KIAA0408: variants seen among roughly 807,000 people sequenced by gnomAD.
KIAA0408 encodes the protein KIAA0408, also known as uncharacterized protein KIAA0408.
A neutral mutation model predicts 60.9 loss-of-function variants in KIAA0408; 51 were observed. That is an observed-to-expected ratio of 0.84 (90% CI 0.67 to 1.06). The LOEUF (loss-of-function observed/expected upper bound fraction) is 1.06. Ranked by LOEUF, KIAA0408 falls within the 50% of genes least tolerant of loss-of-function variation. The pLI is 0.00. For missense variants in KIAA0408, 787 were observed against 833.9 expected (o/e 0.94, Z 0.69); for synonymous variants, 304 against 282.4 (o/e 1.08, Z -0.77).
In KIAA0408 at chr6:127,446,457, C is replaced by A. The variant is rs745704294; in HGVS notation, c.1862G>T (p.Trp621Leu). Residue 621 changes from tryptophan (W) to leucine (L), a missense_variant, in exon 5 of 6, where the codon TGG (tryptophan) becomes TTG (leucine). Coordinates refer to ENST00000483725, the MANE Select transcript of KIAA0408 (RefSeq NM_014702.5). ...TCCTTGCTTCACTTCCTGTCCCCCCCACACAGCTGTCTTTTGCTGAAACTG... is the reference window on the plus strand; with the variant it reads ...TCCTTGCTTCACTTCCTGTCCCCCCAACACAGCTGTCTTTTGCTGAAACTG... ...EQQFQQKTAV[W>L]GGQEVKQGID... The A allele has an allele frequency of 3.1e-6, 5 of 1,613,746 alleles. No homozygotes were observed. The highest frequency in any genetic ancestry group is 1.1e-5 in the South Asian group (1 of 91,074).
chr6:127,449,722 T>C, intron 4 of KIAA0408, 100 bp downstream of exon 4: 2 of 1,453,508 alleles, frequency 1.4e-6, no homozygotes, highest in Non-Finnish European at 1.9e-6. Context: ...TAATAACTCA[T>C]TAGTTCTTAC....
In KIAA0408 at chr6:127,447,501, G is replaced by T; in HGVS notation, c.818C>A (p.Thr273Asn). ...ATCCGAGCTGGGAAAATTTCGAGAG[G>T]TGCTTCTTGGAGGAGGAACTGGTGG... Reference protein sequence around the residue: ...ETPPVPPPRSTSRNFPSSDSE... With the variant: ...ETPPVPPPRSNSRNFPSSDSE... Residue 273 changes from threonine (T) to asparagine (N), a missense_variant, in exon 5 of 6, where the codon ACC becomes AAC. By Grantham distance (65) the Thr-to-Asn change is moderately conservative (BLOSUM62 0). Around this residue, in one of 3 missense-constraint regions of KIAA0408, gnomAD observed 640 missense variants for 681.3 expected, o/e 0.94. Coordinates refer to ENST00000483725, the MANE Select transcript of KIAA0408 (RefSeq NM_014702.5). 6.2e-7 allele frequency: 1 copy of T among 1,612,482 alleles called. No homozygotes were observed. The highest frequency in any genetic ancestry group is 8.5e-7 in the Non-Finnish European group (1 of 1,179,600).
Position 127,446,726 on chromosome 6 carries a change from G to A in KIAA0408, c.1593C>T (p.Arg531=). 1 of 1,613,920 alleles carries A rather than the reference G, an allele frequency of 6.2e-7. No individual in the cohort carries two copies. Among genetic ancestry groups the A allele is most frequent in the East Asian group, 2.2e-5 (1 of 44,872 alleles). The change falls in exon 5 of 6, where the codon CGC becomes CGT. Residue 531 remains arginine, a synonymous_variant. Transcript: ENST00000483725. ...VRQMQGHLSP[R]SYRNMLHEHD... ...GCTCGTGGAGCATATTTCGATAACT[G>A]CGAGGACTTAGGTGTCCCTGCATTT... is the stretch of plus-strand genomic sequence containing the variant.
At position 127,442,489 on chromosome 6, in the gene KIAA0408, T is replaced by C. The variant is rs1035062794; in HGVS notation, c.*1620A>G. On this transcript the variant is annotated 3_prime_UTR_variant, in exon 6 of 6. Coordinates refer to ENST00000483725, the MANE Select transcript of KIAA0408 (RefSeq NM_014702.5). ...CTGAAGGAAATAAGAATTAAAAGAG[T>C]AGATGTATAGACCTTAGTTACCATC... is the stretch of plus-strand genomic sequence containing the variant. 6.6e-6 allele frequency: 1 copy of C among 152,114 alleles called. No homozygotes were observed. Among genetic ancestry groups the C allele is most frequent in the African/African-American group, 2.4e-5 (1 of 41,408 alleles). The allele number at this position is 152,114 out of a possible 1,614,324, so 9.4% of individuals were successfully genotyped here.
rs1240335212 is a variant in KIAA0408, at chr6:127,446,273, C to T, written c.1911+135G>A. 3.5e-6 allele frequency: 5 copies of T among 1,431,372 alleles called. No individual in the cohort carries two copies. In the East Asian group the frequency reaches 1.1e-4, roughly 33 times the overall value. 88.7% of individuals were successfully genotyped at this position (1,431,372 alleles called of 1,614,324 possible). A position where few individuals can be genotyped will look rare whatever the true frequency, so the allele number is the denominator to read the frequency against. On this transcript the variant is annotated intron_variant, in intron 5 of 5. Coordinates refer to ENST00000483725, the MANE Select transcript of KIAA0408 (RefSeq NM_014702.5). Reference sequence around the variant, plus strand: ...GTTCATGTTGAGTTATATTTATTTACAAACAGGGTCAAGAGGCTAAGAAGA... The same window carrying T: ...GTTCATGTTGAGTTATATTTATTTATAAACAGGGTCAAGAGGCTAAGAAGA...
In KIAA0408 at chr6:127,440,434, C is replaced by T. The variant is rs1329157909; in HGVS notation, c.*3675G>A. On this transcript the variant is annotated 3_prime_UTR_variant, in exon 6 of 6. Coordinates refer to ENST00000483725, the MANE Select transcript of KIAA0408 (RefSeq NM_014702.5). The stretch of plus-strand genomic sequence containing the variant: ...CTGCCTCCCGGGTTCATGCCATTCT[C>T]CTGCCTCAGCCTCCCGAGCAGCTGG... The T allele has an allele frequency of 1.3e-5, 2 of 150,768 alleles. No homozygotes were observed. Among genetic ancestry groups the T allele is most frequent in the African/African-American group, 2.4e-5 (1 of 40,854 alleles). The allele number at this position is 150,768 out of a possible 1,614,324, so 9.3% of individuals were successfully genotyped here.
chr6:127,445,158 C>T (rs547701414), intron 5 of KIAA0408, among the ~76,000 whole-genome samples: 4 of 152,182 alleles, frequency 2.6e-5, no homozygotes, highest in African/African-American at 9.6e-5. Context: ...TTTTTGGAGA[C>T]TTATTTTCTA....
chr6:127,444,158 G>A lies in KIAA0408; in HGVS notation c.2036C>T (p.Thr679Ile), dbSNP rs755809960. ...CAGAGAAATGGTATAGTTGTGGGTA[G>A]TTCTCCGCAAGGCAGGGGGTGCAGA... ...SPSAPPALRR[T>I]THNYTISLRS... Residue 679 changes from threonine (T) to isoleucine (I), a missense_variant, in exon 6 of 6, where the codon ACT becomes ATT. Thr to Ile is a moderately conservative substitution (Grantham distance 89, BLOSUM62 -1). Around this residue, in one of 3 missense-constraint regions of KIAA0408, gnomAD observed 133 missense variants for 119.2 expected, o/e 1.12. Transcript: ENST00000483725. The A allele has an allele frequency of 1.2e-6, 2 of 1,613,990 alleles. No homozygotes were observed. The highest frequency in any genetic ancestry group is 3.3e-5 in the Admixed American group (2 of 59,992).
chr6:127,448,384 C>A (rs571564990), intron 4 of KIAA0408, among the ~76,000 whole-genome samples: 24 of 152,152 alleles, frequency 1.6e-4, no homozygotes, highest in African/African-American at 5.3e-4. Flanking sequence ...AATTATAAAG[C>A]AGAGTGGGGA....
chr6:127,455,817 C>T (rs1773382521), intron 1 of KIAA0408, among the ~76,000 whole-genome samples: 1 of 152,104 alleles, frequency 6.6e-6, no homozygotes, highest in African/African-American at 2.4e-5. Flanking sequence ...TCACCCCTTT[C>T]TTTGCTATCT....
chr6:127,447,551 T>G lies in KIAA0408; in HGVS notation c.768A>C (p.Thr256=), dbSNP rs1773223770. ...GAGTTTCATTTCTTTTTAAATCGATTGTATCAATTCCACATTTTTTCGTAG... is the reference window on the plus strand; with the variant it reads ...GAGTTTCATTTCTTTTTAAATCGATGGTATCAATTCCACATTTTTTCGTAG... ...SNSTKKCGID[T]IDLKRNETPP... Residue 256 remains threonine (T), a synonymous_variant, in exon 5 of 6, where the codon ACA becomes ACC. Coordinates refer to ENST00000483725, the MANE Select transcript of KIAA0408 (RefSeq NM_014702.5). The G allele has an allele frequency of 6.2e-7, 1 of 1,611,148 alleles. No homozygotes were observed. The highest frequency in any genetic ancestry group is 8.5e-7 in the Non-Finnish European group (1 of 1,179,252).
At chr6:127,455,717 T>G (rs1215893510) in intron 1 of KIAA0408, among the ~76,000 whole-genome samples, 1 of 152,160 alleles carries the variant, frequency 6.6e-6, no homozygotes, top group Non-Finnish European at 1.5e-5. Context: ...AAATACATAA[T>G]TTCATATCTG....
At chr6:127,449,712 T>G (rs1773265757) in intron 4 of KIAA0408, 110 bp downstream of exon 4, 5 of 1,408,090 alleles carry the variant, frequency 3.6e-6, no homozygotes, top group Non-Finnish European at 4.8e-6. Flanking sequence ...TAGTACATTT[T>G]AATAACTCAT....
At position 127,447,346 on chromosome 6, in the gene KIAA0408, G is replaced by A; in HGVS notation, c.973C>T (p.Pro325Ser). The change falls in exon 5 of 6, where the codon CCA becomes TCA. Residue 325 changes from proline to serine, a missense_variant. Pro to Ser is a moderately conservative substitution (Grantham distance 74). Coordinates refer to ENST00000483725, the MANE Select transcript of KIAA0408 (RefSeq NM_014702.5). ...LRQQEMSMLY[P>S]NEGKTSKDGI... ...TCTTTCGAAGTTTTCCCTTCATTTG[G>A]ATACAACATAGACATCTCTTGTTGT... The A allele has an allele frequency of 1.2e-6, 2 of 1,613,044 alleles. No homozygotes were observed. Among genetic ancestry groups the A allele is most frequent in the Non-Finnish European group, 1.7e-6 (2 of 1,179,662 alleles).
intron 5 of KIAA0408, 21 bp from the exon 6 acceptor site, chr6:127,444,303 T>C (rs1392404680): frequency 6.5e-7 from 1 of 1,544,192 alleles, no homozygotes; most frequent in African/African-American, 1.4e-5. Flanking sequence ...AGTAAAAACA[T>C]TCCTCTCACT....
rs1447820363 is a variant in KIAA0408 at position 127,459,225 on chromosome 6, CAGTGGAAGAA to C, written c.-181_-172del. ...GGATGCTCGACCACTGGTCAATTAG[CAGTGGAAGAA>C]AGTGGATGGCTAGCTGTCTTAAAGA... is the stretch of plus-strand genomic sequence containing the variant. On this transcript the variant is annotated 5_prime_UTR_variant, in exon 1 of 6. Transcript: ENST00000483725. 3.9e-5 allele frequency: 6 copies of C among 152,198 alleles called. No individual in the cohort carries two copies. The highest frequency in any genetic ancestry group is 1.4e-4 in the African/African-American group (6 of 41,438). 9.4% of individuals were successfully genotyped at this position (152,198 alleles called of 1,614,324 possible).
rs1773075773 is a variant in KIAA0408, at chr6:127,439,805, G to A, written c.*4304C>T. The A allele has an allele frequency of 6.6e-6, 1 of 152,144 alleles. No homozygotes were observed. Among genetic ancestry groups the A allele is most frequent in the Non-Finnish European group, 1.5e-5 (1 of 68,012 alleles). The allele number at this position is 152,144 out of a possible 1,614,324, so 9.4% of individuals were successfully genotyped here. A position where few individuals can be genotyped will look rare whatever the true frequency, so the allele number is the denominator to read the frequency against. On this transcript the variant is annotated 3_prime_UTR_variant, in exon 6 of 6. Coordinates refer to ENST00000483725, the MANE Select transcript of KIAA0408 (RefSeq NM_014702.5). The stretch of plus-strand genomic sequence containing the variant: ...GCCTTGTAGTTTGTTGTAAGAAGCA[G>A]ACAAGTCGTGGAATATGAATTTGCT...
chr6:127,447,763 G>A (rs202155550), intron 4 of KIAA0408, 23 bp from the exon 5 acceptor site: 3 of 1,511,508 alleles, frequency 2.0e-6, no homozygotes, highest in East Asian at 2.3e-5. Context: ...AAAACATGGT[G>A]TATTGGTTAT....
At chr6:127,454,470 A>C (rs986836197) in intron 1 of KIAA0408, among the ~76,000 whole-genome samples, 1 of 152,104 alleles carries the variant, frequency 6.6e-6, no homozygotes, top group Non-Finnish European at 1.5e-5. Flanking sequence ...ATTCTGCTGC[A>C]ATAAAATTAT....
Sources: allele counts gnomAD v4.1 joint callset (sites outside exome capture counted in the v4.1 genomes callset), GRCh38; gene constraint gnomAD v4.1.1; regional missense constraint gnomAD v4.1.1; transcripts MANE v1.5; gene names NCBI Gene and HGNC (gene_info 2026-07-23, HGNC 2026-07-21).